The following EBF1 variants were observed in gnomAD, a reference collection of about 807,000 sequenced individuals.
EBF1 encodes the protein EBF transcription factor 1.
EBF1 carries 10 observed loss-of-function variants against 68.4 expected under a neutral mutation model. The observed-to-expected ratio is 0.15, with a 90% CI of 0.09 to 0.25. The LOEUF (loss-of-function observed/expected upper bound fraction) is 0.25, where lower values mean the gene tolerates loss of function less well. Ranked by LOEUF, EBF1 falls within the 10% of genes least tolerant of loss-of-function variation. EBF1 has a pLI of 1.00. For synonymous variants in EBF1, 298 were observed against 299.8 expected (o/e 0.99, Z 0.06); for missense variants, 509 against 794.4 (o/e 0.64, Z 4.32).
chr5:159,097,510 T>C (rs1318476536), intron 1 of EBF1: 3 of 268,738 alleles, frequency 1.1e-5, no homozygotes, highest in Non-Finnish European at 2.1e-5. Flanking sequence ...CCCACAGTTA[T>C]ATTCCGGCAC....
At chr5:158,883,402 GTA>G (rs1261616695) in intron 6 of EBF1, among the ~76,000 whole-genome samples, 2 of 149,062 alleles carry the variant, frequency 1.3e-5, no homozygotes, top group Non-Finnish European at 3.0e-5. Context: ...ATACATGTGT[GTA>G]TATATATACA....
Position 158,719,369 on chromosome 5 carries a change from A to G in EBF1, c.1126-5187T>C, listed in dbSNP as rs373376630. 1.2e-3 allele frequency among the ~76,000 whole-genome samples: 176 copies of G among 152,316 alleles called. 5 individuals carry two copies. In the South Asian group the frequency reaches 0.035, roughly 30 times the overall value. ...TCAGCCTTTTATTAGCTGTACTCTT[A>G]GGCCCTTGGAAATAGTTAGGTATTT... On this transcript the variant is annotated intron_variant, in intron 11 of 15. Transcript: ENST00000313708.
rs1000537344 is a variant in EBF1, at chr5:158,699,117, A to G, written c.1770T>C (p.Pro590=). 1 of 1,609,086 alleles carries G rather than the reference A, an allele frequency of 6.2e-7. No homozygotes were observed. Among genetic ancestry groups the G allele is most frequent in the Non-Finnish European group, 8.5e-7 (1 of 1,177,864 alleles). The change falls in exon 16 of 16, where the codon CCT becomes CCC. Residue 590 remains proline, a synonymous_variant. Transcript: ENST00000313708. ...LQAISGMIVP[P]M ...ATTCTTCAAGGCAATTCTTTCACATAGGAGGAACAATCATGCCAGATATCG... is the reference window on the plus strand; with the variant it reads ...ATTCTTCAAGGCAATTCTTTCACATGGGAGGAACAATCATGCCAGATATCG...
Position 159,073,283 on chromosome 5 carries a change from A to C in EBF1, c.554+113T>G. 5.3e-6 allele frequency: 6 copies of C among 1,124,796 alleles called. No individual in the cohort carries two copies. In the South Asian group the frequency reaches 8.2e-5, roughly 15 times the overall value. The allele number at this position is 1,124,796 out of a possible 1,614,324, so 69.7% of individuals were successfully genotyped here. A position where few individuals can be genotyped will look rare whatever the true frequency, so the allele number is the denominator to read the frequency against. On this transcript the variant is annotated intron_variant, in intron 6 of 15. Coordinates refer to ENST00000313708, the MANE Select transcript of EBF1 (RefSeq NM_024007.5). ...GCTCAGCACAGCGTAAGTCATGACC[A>C]ACAGGCAAATTTCAGCCACATGCAT...
At chr5:158,741,232 A>G (rs1766319502) in intron 10 of EBF1, among the ~76,000 whole-genome samples, 1 of 152,068 alleles carries the variant, frequency 6.6e-6, no homozygotes, top group Non-Finnish European at 1.5e-5. Flanking sequence ...TTTTGTAACC[A>G]CAGTAAATGC....
At chr5:159,046,309 C>T (rs1195343102) in intron 6 of EBF1, among the ~76,000 whole-genome samples, 1 of 152,198 alleles carries the variant, frequency 6.6e-6, no homozygotes, top group African/African-American at 2.4e-5. Flanking sequence ...ATAGCATCTC[C>T]CACAAAACAG....
chr5:158,928,394 T>C (rs764639786), intron 6 of EBF1, among the ~76,000 whole-genome samples: 3 of 152,220 alleles, frequency 2.0e-5, no homozygotes, highest in Non-Finnish European at 4.4e-5. Flanking sequence ...ACTTATCACA[T>C]TCAGCTTTAA....
rs1812127301 is a variant in EBF1, at chr5:158,936,845, G to A, written c.555-96735C>T. 2.0e-5 allele frequency among the ~76,000 whole-genome samples: 3 copies of A among 152,266 alleles called. No individual in the cohort carries two copies. The South Asian group carries it at 6.2e-4, about 32-fold the overall frequency. On this transcript the variant is annotated intron_variant, in intron 6 of 15. Transcript: ENST00000313708. The stretch of plus-strand genomic sequence containing the variant: ...CACGAGATAAATGTTTGCTGGATGG[G>A]TAAATGAATAAAATGGAGAATAGGA...
chr5:158,709,659 T>C (rs1758723445), intron 14 of EBF1, among the ~76,000 whole-genome samples: 1 of 152,222 alleles, frequency 6.6e-6, no homozygotes, highest in African/African-American at 2.4e-5. Context: ...CACTGAGTGC[T>C]TTATGGGGCA....
intron 6 of EBF1, among the ~76,000 whole-genome samples, chr5:158,840,790 GC>G (rs1420085996): frequency 2.0e-5 from 3 of 147,018 alleles, no homozygotes; most frequent in Non-Finnish European, 3.0e-5. Context: ...TCCTGCCTCA[GC>G]CTCCCAAGTA....
chr5:158,704,800 A>G (rs1366845369), intron 15 of EBF1, among the ~76,000 whole-genome samples: 1 of 152,174 alleles, frequency 6.6e-6, no homozygotes, highest in African/African-American at 2.4e-5. Context: ...TGCAGAGGCT[A>G]AAGAGGCAAG....
At chr5:158,986,260 A>C (rs1759048879) in intron 6 of EBF1, 1 of 152,224 alleles carries the variant, frequency 6.6e-6, no homozygotes, top group African/African-American at 2.4e-5. Context: ...TTAGTATAAT[A>C]GGTGGAAGTA....
chr5:159,072,721 A>G (rs958653623), intron 6 of EBF1, among the ~76,000 whole-genome samples: 30 of 152,250 alleles, frequency 2.0e-4, no homozygotes, highest in African/African-American at 7.0e-4. Context: ...ACTTTGCATA[A>G]TGCGTGCACA....
intron 6 of EBF1, among the ~76,000 whole-genome samples, chr5:158,864,839 C>T (rs1400431410): frequency 1.3e-5 from 2 of 152,094 alleles, no homozygotes; most frequent in South Asian, 2.1e-4. Flanking sequence ...GCACAGTGAG[C>T]GAGGAGGGAG....
chr5:158,766,794 AAAC>A (rs1378290651), intron 10 of EBF1, among the ~76,000 whole-genome samples: 2 of 152,184 alleles, frequency 1.3e-5, no homozygotes, highest in Non-Finnish European at 2.9e-5. Flanking sequence ...TGTATAATAT[AAAC>A]AACAAAGCAG....
intron 8 of EBF1, among the ~76,000 whole-genome samples, chr5:158,807,733 A>T (rs1277568611): frequency 2.0e-5 from 3 of 152,178 alleles, no homozygotes; most frequent in African/African-American, 7.2e-5. Context: ...TTCTCCCAAA[A>T]CACACGGAAG....
chr5:158,902,732 A>T (rs1057437078), intron 6 of EBF1, among the ~76,000 whole-genome samples: 2 of 151,996 alleles, frequency 1.3e-5, no homozygotes, highest in African/African-American at 4.8e-5. Flanking sequence ...CTGAGATTAC[A>T]GGTGTGAGCC....
intron 6 of EBF1, among the ~76,000 whole-genome samples, chr5:158,996,727 A>G (rs1382768161): frequency 1.3e-5 from 2 of 152,210 alleles, no homozygotes; most frequent in Non-Finnish European, 2.9e-5. Context: ...TTTAAAGACA[A>G]CAAATGCAAG....
intron 6 of EBF1, among the ~76,000 whole-genome samples, chr5:159,042,179 A>G (rs186629538): frequency 1.2e-4 from 19 of 152,326 alleles, no homozygotes; most frequent in African/African-American, 4.6e-4. Context: ...AGCCTACCTC[A>G]TTCATGGGGA....
Sources: allele counts gnomAD v4.1 joint callset (sites outside exome capture counted in the v4.1 genomes callset), GRCh38; gene constraint gnomAD v4.1.1; transcripts MANE v1.5; gene names NCBI Gene and HGNC (gene_info 2026-07-23, HGNC 2026-07-21).